The following MVP variants were observed in gnomAD, a reference collection of about 807,000 sequenced individuals.
MVP encodes major vault protein.
In MVP, 62 loss-of-function variants were observed where a neutral mutation model predicts 83.5. The observed-to-expected ratio is 0.74, with a 90% CI of 0.61 to 0.92. The LOEUF is 0.92. Among genes scored for constraint, MVP ranks in the 40% least tolerant of loss-of-function variants. The pLI, the probability that MVP is intolerant of heterozygous loss-of-function variation, is 0.00. For missense variants in MVP, 1,000 were observed against 1,203.4 expected, an observed-to-expected ratio of 0.83 and a Z score of 2.50; for synonymous variants, 505 against 504.1, an observed-to-expected ratio of 1.00 and a Z score of -0.02.
chr16:29,826,641 G>T (rs80098917), intron 1 of MVP, among the ~76,000 whole-genome samples: 2 of 115,672 alleles, frequency 1.7e-5, no homozygotes, highest in South Asian at 2.8e-4. Context: ...AAAAAAAAAA[G>T]GCCGGGCGTG....
chr16:29,835,879 A>C, intron 6 of MVP, 81 bp downstream of exon 6: 1 of 1,154,496 alleles, frequency 8.7e-7, no homozygotes, highest in Non-Finnish European at 1.3e-6. Flanking sequence ...GTAGAATGGC[A>C]TGAGAGTAAA....
chr16:29,830,582 C>T lies in MVP; in HGVS notation c.33C>T (p.Pro11=). The change falls in exon 2 of 15, where the codon CCC becomes CCT. Residue 11 remains proline, a synonymous_variant. Coordinates refer to ENST00000357402, the MANE Select transcript of MVP (RefSeq NM_005115.5). MATEEFIIRI[P]PYHYIHVLDQ... is the part of the protein sequence containing the mutation. ...CTGAAGAGTTCATCATCCGCATCCCCCCATACCACTATATCCATGTGCTGG... is the reference window on the plus strand; with the variant it reads ...CTGAAGAGTTCATCATCCGCATCCCTCCATACCACTATATCCATGTGCTGG... 5 of 1,614,038 alleles carry T rather than the reference C, an allele frequency of 3.1e-6. No homozygotes were observed. The highest frequency in any genetic ancestry group is 4.2e-6 in the Non-Finnish European group (5 of 1,179,988).
At chr16:29,824,457 T>C (rs1483839590) in intron 1 of MVP, among the ~76,000 whole-genome samples, 3 of 151,968 alleles carry the variant, frequency 2.0e-5, no homozygotes, top group African/African-American at 7.3e-5. Flanking sequence ...GGTCACTTGG[T>C]CAATTGCCAT....
chr16:29,840,303 TGAG>T lies in MVP; in HGVS notation c.1039_1041del (p.Glu347del), dbSNP rs770325862. 44 of 1,613,106 alleles carry T rather than the reference TGAG, an allele frequency of 2.7e-5. No homozygotes were observed. In the African/African-American group the frequency reaches 4.7e-4, roughly 17 times the overall value. On this transcript the variant is annotated inframe_deletion, in exon 8 of 15. Transcript: ENST00000357402. ...TGCAGCCCCTGGAGGAGGGGGAGGA[TGAG>T]GAGAAGGTCTCACACCAGGCTGGGG...
intron 10 of MVP, among the ~76,000 whole-genome samples, chr16:29,842,760 G>C (rs1173217692): frequency 6.6e-6 from 1 of 152,190 alleles, no homozygotes; most frequent in Non-Finnish European, 1.5e-5. Context: ...CAGTGCTGAG[G>C]TCAAGAGGGA....
chr16:29,847,702 C>A, intron 14 of MVP, 60 bp from the exon 15 acceptor site: 1 of 1,516,252 alleles, frequency 6.6e-7, no homozygotes, highest in South Asian at 1.1e-5. Context: ...TAAGGAGGGT[C>A]ACTCTGAAGT....
rs1434970278 is a variant in MVP, at chr16:29,831,135, A to G, written c.321+62A>G. ...CTGTCCTCCACCTGCCTTGGGCTCTATACTGCTGCCTTCTTCTTCTTTTTT... is the reference window on the plus strand; with the variant it reads ...CTGTCCTCCACCTGCCTTGGGCTCTGTACTGCTGCCTTCTTCTTCTTTTTT... On this transcript the variant is annotated intron_variant, in intron 3 of 14. Coordinates refer to ENST00000357402, the MANE Select transcript of MVP (RefSeq NM_005115.5). The G allele has an allele frequency of 3.5e-6, 5 of 1,435,174 alleles. No individual in the cohort carries two copies. In the African/African-American group the frequency reaches 7.2e-5, roughly 21 times the overall value. 88.9% of individuals were successfully genotyped at this position (1,435,174 alleles called of 1,614,324 possible).
At chr16:29,830,032 G>T (rs1188532892) in intron 1 of MVP, 1 of 155,770 alleles carries the variant, frequency 6.4e-6, no homozygotes, top group Non-Finnish European at 1.4e-5. Context: ...GGGGCCTCAG[G>T]ATTCTCTGAA....
intron 1 of MVP, among the ~76,000 whole-genome samples, chr16:29,825,199 G>C (rs1244143768): frequency 6.6e-6 from 1 of 152,176 alleles, no homozygotes; most frequent in Middle Eastern, 3.2e-3. Flanking sequence ...ACCTGAGGGA[G>C]GTGTGATCAG....
In MVP at chr16:29,847,927, C is replaced by T. The variant is rs567341969; in HGVS notation, c.2620C>T (p.Pro874Ser). ...SGPSPGEGISPQSAQAPQAPG... is the reference protein window; with the variant it reads ...SGPSPGEGISSQSAQAPQAPG... ...GCCCAGCCCTGGGGAGGGGATATCCCCCCAGTCTGCTCAGGCCCCTCAAGC... is the reference window on the plus strand; with the variant it reads ...GCCCAGCCCTGGGGAGGGGATATCCTCCCAGTCTGCTCAGGCCCCTCAAGC... Residue 874 changes from proline to serine, a missense_variant, in exon 15 of 15, where the codon CCC becomes TCC. Transcript: ENST00000357402. 3.7e-6 allele frequency: 6 copies of T among 1,613,592 alleles called. No individual in the cohort carries two copies. Among genetic ancestry groups the T allele is most frequent in the Non-Finnish European group, 5.1e-6 (6 of 1,179,828 alleles).
At chr16:29,840,040 T>C in intron 7 of MVP, 138 bp from the exon 8 acceptor site, 1 of 815,850 alleles carries the variant, frequency 1.2e-6, no homozygotes, top group Non-Finnish European at 1.9e-6. Context: ...CTCACCGTAT[T>C]ATGATGTGGG....
rs775329852 is a variant in MVP, at chr16:29,840,395, A to G, written c.1127A>G (p.Glu376Gly). The G allele has an allele frequency of 1.3e-6, 2 of 1,593,872 alleles. No homozygotes were observed. The highest frequency in any genetic ancestry group is 1.7e-6 in the Non-Finnish European group (2 of 1,171,102). Residue 376 changes from glutamate (E) to glycine (G), a missense_variant, in exon 8 of 15, where the codon GAG becomes GGG. Coordinates refer to ENST00000357402, the MANE Select transcript of MVP (RefSeq NM_005115.5). The stretch of plus-strand genomic sequence containing the variant: ...TCTGCCAAAGTGGAGGTGGTGGAGG[A>G]GCGCCAGGCCATCCCTCTAGACGAG... ...VPSAKVEVVE[E>G]RQAIPLDENE...
At position 29,846,200 on chromosome 16, in the gene MVP, G is replaced by C; in HGVS notation, c.2181G>C (p.Glu727Asp). Residue 727 changes from glutamate to aspartate, a missense_variant, in exon 13 of 15, where the codon GAG becomes GAC. Physicochemically the swap from Glu to Asp is conservative, Grantham distance 45. Coordinates refer to ENST00000357402, the MANE Select transcript of MVP (RefSeq NM_005115.5). ...CCGGGACTGCCAAGGCGGAGGCCGAGTCCCGTGCGGAGGCAGCCCGGATTG... is the reference window on the plus strand; with the variant it reads ...CCGGGACTGCCAAGGCGGAGGCCGACTCCCGTGCGGAGGCAGCCCGGATTG... ...ESTGTAKAEA[E>D]SRAEAARIEG... The C allele has an allele frequency of 6.2e-7, 1 of 1,604,886 alleles. No homozygotes were observed. The highest frequency in any genetic ancestry group is 8.5e-7 in the Non-Finnish European group (1 of 1,175,624).
At chr16:29,846,130 G>C (rs369817775) in intron 12 of MVP, 28 bp from the exon 13 acceptor site, 22 of 1,604,208 alleles carry the variant, frequency 1.4e-5, no homozygotes, top group Admixed American at 6.7e-5. Context: ...TGTCTCCCGG[G>C]TCTTACCTGA....
At chr16:29,842,366 C>T (rs547760327) in intron 10 of MVP, among the ~76,000 whole-genome samples, 2 of 152,092 alleles carry the variant, frequency 1.3e-5, no homozygotes, top group East Asian at 1.9e-4. Flanking sequence ...AGTGCAATGG[C>T]GCGATCTTGG....
At position 29,841,919 on chromosome 16, in the gene MVP, G is replaced by T; in HGVS notation, c.1441G>T (p.Val481Phe). 6.2e-7 allele frequency: 1 copy of T among 1,612,280 alleles called. No individual in the cohort carries two copies. Among genetic ancestry groups the T allele is most frequent in the Non-Finnish European group, 8.5e-7 (1 of 1,180,022 alleles). ...GACCCTCGGCTGTCTCTGCAGCGTG[G>T]TCTTCGGGCCTGAGCTGGTGTCGCT... ...YDYREKRARVVFGPELVSLGP... is the reference protein window; with the variant it reads ...YDYREKRARVFFGPELVSLGP... Residue 481 changes from valine (V) to phenylalanine (F), a missense_variant, in exon 10 of 15, where the codon GTC (valine) becomes TTC (phenylalanine). Val to Phe is a conservative substitution (Grantham distance 50, BLOSUM62 -1). Transcript: ENST00000357402. This position sits in a 1 kb window ranked among gnomAD's most constrained non-coding sequence, Gnocchi z 4.7.
At chr16:29,844,341 G>T in intron 10 of MVP, 152 bp from the exon 11 acceptor site, 1 of 955,540 alleles carries the variant, frequency 1.0e-6, no homozygotes, top group Non-Finnish European at 1.5e-6. Flanking sequence ...GATCACACAT[G>T]TAGTCCCAGC....
intron 6 of MVP, among the ~76,000 whole-genome samples, chr16:29,836,058 G>T (rs543198688): frequency 6.6e-6 from 1 of 152,018 alleles, no homozygotes; most frequent in South Asian, 2.1e-4. Flanking sequence ...TTGAGGCCAG[G>T]AGTCTGAGAC....
chr16:29,823,122 C>CTTTTTTTTTTTTTTTTTTTTT (rs66512916), intron 1 of MVP, among the ~76,000 whole-genome samples: 2 of 98,484 alleles, frequency 2.0e-5, no homozygotes, highest in Non-Finnish European at 3.8e-5. Context: ...CTTTTCTTTT[C>CTTTTTTTTTTTTTTTTTTTTT]TTTTTTTTTT....
Sources: gnomAD v4.1 joint callset for allele counts (sites outside exome capture counted in the v4.1 genomes callset) on GRCh38, gnomAD v4.1.1 for gene constraint, Gnocchi (gnomAD v3.1) non-coding constraint, MANE v1.5 for transcripts, NCBI Gene and HGNC (gene_info 2026-07-23, HGNC 2026-07-21) for gene names.